PCDHGA11: variants seen among roughly 807,000 people sequenced by gnomAD.
PCDHGA11 encodes protocadherin gamma subfamily A, 11, also known as protocadherin gamma-A11.
A neutral mutation model predicts 60.4 loss-of-function variants in PCDHGA11; 39 were observed. The observed-to-expected ratio is 0.65, with a 90% CI of 0.50 to 0.84. The LOEUF is 0.84. PCDHGA11 is among the 40% of genes least tolerant of loss of function. The pLI, the probability that PCDHGA11 is intolerant of heterozygous loss-of-function variation, is 0.00. For missense variants in PCDHGA11, 1,165 were observed against 1,197.7 expected (o/e 0.97, Z 0.40); for synonymous variants, 533 against 510.3 (o/e 1.04, Z -0.60).
intron 1 of PCDHGA11, chr5:141,442,421 T>G (rs1288481455): frequency 1.3e-5 from 2 of 152,290 alleles, no homozygotes; most frequent in East Asian, 3.9e-4. Flanking sequence ...TGAACTTCTT[T>G]TTTGAATCCC....
chr5:141,489,470 T>C lies in PCDHGA11; in HGVS notation c.2434-5337T>C, dbSNP rs1030378524. 1 of 1,613,874 alleles carries C rather than the reference T, an allele frequency of 6.2e-7. No homozygotes were observed. The highest frequency in any genetic ancestry group is 8.5e-7 in the Non-Finnish European group (1 of 1,179,838). ...GAGGAGAATGGGCGCTATTTTTCCCTGAGCTTGATGAGTGGTGCCCTGGCA... is the reference window on the plus strand; with the variant it reads ...GAGGAGAATGGGCGCTATTTTTCCCCGAGCTTGATGAGTGGTGCCCTGGCA... On this transcript the variant is annotated intron_variant, in intron 1 of 3. Transcript: ENST00000398587. This position sits in a 1 kb window ranked among gnomAD's most constrained non-coding sequence, Gnocchi z 4.5.
At chr5:141,430,877 G>T in intron 1 of PCDHGA11, 1 of 1,600,796 alleles carries the variant, frequency 6.2e-7, no homozygotes. Flanking sequence ...GGAAGAGCTG[G>T]AGAAAGGCTC....
intron 2 of PCDHGA11, among the ~76,000 whole-genome samples, chr5:141,500,453 C>T (rs1403599390): frequency 6.6e-6 from 1 of 152,130 alleles, no homozygotes; most frequent in South Asian, 2.1e-4. Context: ...TCGTGATCCG[C>T]CCGCCTCGGC....
In PCDHGA11 at chr5:141,489,153, G is replaced by A; in HGVS notation, c.2434-5654G>A. The A allele has an allele frequency of 1.1e-6, 1 of 935,832 alleles. No homozygotes were observed. The highest frequency in any genetic ancestry group is 1.6e-6 in the Non-Finnish European group (1 of 627,178). 58.0% of individuals were successfully genotyped at this position (935,832 alleles called of 1,614,324 possible). A position where few individuals can be genotyped will look rare whatever the true frequency, so the allele number is the denominator to read the frequency against. ...TTTAAGAGGCTGGAAGGAGACATAA[G>A]AGACTTCAGCTGCTGCATTCCAAGC... On this transcript the variant is annotated intron_variant, in intron 1 of 3. Coordinates refer to ENST00000398587, the MANE Select transcript of PCDHGA11 (RefSeq NM_018914.3). This position sits in a 1 kb window ranked among gnomAD's most constrained non-coding sequence, Gnocchi z 4.5.
intron 1 of PCDHGA11, chr5:141,440,191 A>G (rs1239698049): frequency 1.3e-5 from 2 of 152,376 alleles, no homozygotes; most frequent in African/African-American, 4.8e-5. Context: ...GTTGAAGGCC[A>G]GGCATGGTGG....
At chr5:141,468,324 C>T (rs1301315098) in intron 1 of PCDHGA11, 1 of 127,722 alleles carries the variant, frequency 7.8e-6, no homozygotes, top group Non-Finnish European at 1.6e-5. Context: ...ACGGTAAACT[C>T]CATCTCAAAA....
rs1387036035 is a variant in PCDHGA11, at chr5:141,432,158, A to G, written c.2433+8498A>G. ...CGCTTATATCCCAGAGAACAATCCC[A>G]GAGGAGTTTCCCTCGTCTCTGTGAC... is the stretch of plus-strand genomic sequence containing the variant. On this transcript the variant is annotated intron_variant, in intron 1 of 3. Coordinates refer to ENST00000398587, the MANE Select transcript of PCDHGA11 (RefSeq NM_018914.3). The surrounding 1 kb of genome is among the most constrained non-coding windows in gnomAD (Gnocchi z 6.0). The G allele has an allele frequency of 6.2e-7, 1 of 1,613,932 alleles. No individual in the cohort carries two copies. Among genetic ancestry groups the G allele is most frequent in the Non-Finnish European group, 8.5e-7 (1 of 1,180,002 alleles).
chr5:141,499,563 A>C (rs979866448), intron 2 of PCDHGA11, among the ~76,000 whole-genome samples: 3 of 152,242 alleles, frequency 2.0e-5, no homozygotes, highest in Non-Finnish European at 2.9e-5. Context: ...ACCACTATCC[A>C]GCTTCAACTA....
intron 2 of PCDHGA11, among the ~76,000 whole-genome samples, chr5:141,502,686 C>T (rs2099815631): frequency 6.6e-6 from 1 of 152,136 alleles, no homozygotes; most frequent in Admixed American, 6.5e-5. Flanking sequence ...CCCTGATGAT[C>T]CTTGCCTGTA....
At chr5:141,478,884 C>A in intron 1 of PCDHGA11, 1 of 1,194,298 alleles carries the variant, frequency 8.4e-7, no homozygotes, top group Non-Finnish European at 1.1e-6. Flanking sequence ...AGCTTGGTAT[C>A]ATTTACATTA....
intron 1 of PCDHGA11, among the ~76,000 whole-genome samples, chr5:141,454,730 A>C (rs2098797371): frequency 6.7e-6 from 1 of 150,092 alleles, no homozygotes; most frequent in Admixed American, 6.7e-5. Context: ...TATATGTTAT[A>C]GGATGAAAAG....
chr5:141,485,172 C>T lies in PCDHGA11; in HGVS notation c.2434-9635C>T, dbSNP rs377648315. 3.9e-5 allele frequency: 62 copies of T among 1,610,044 alleles called. No individual in the cohort carries two copies. The highest frequency in any genetic ancestry group is 5.1e-5 in the Non-Finnish European group (60 of 1,176,944). On this transcript the variant is annotated intron_variant, in intron 1 of 3. Coordinates refer to ENST00000398587, the MANE Select transcript of PCDHGA11 (RefSeq NM_018914.3). The surrounding 1 kb of genome is among the most constrained non-coding windows in gnomAD (Gnocchi z 5.7). ...CAAGTAGAGAATTAGCGGGCGGCAGCAATGCTCCGCAAGGTGAGAAGCTGG... is the reference window on the plus strand; with the variant it reads ...CAAGTAGAGAATTAGCGGGCGGCAGTAATGCTCCGCAAGGTGAGAAGCTGG...
Position 141,487,071 on chromosome 5 carries a change from C to A in PCDHGA11, c.2434-7736C>A. On this transcript the variant is annotated intron_variant, in intron 1 of 3. Coordinates refer to ENST00000398587, the MANE Select transcript of PCDHGA11 (RefSeq NM_018914.3). The surrounding 1 kb of genome is among the most constrained non-coding windows in gnomAD (Gnocchi z 5.0). ...GCTGGGGAGGTGCGGACGGCTGTTC[C>A]TATCCCAGCTGACCTCCCACCACAG... is the stretch of plus-strand genomic sequence containing the variant. The A allele has an allele frequency of 6.2e-7, 1 of 1,614,148 alleles. No individual in the cohort carries two copies. Among genetic ancestry groups the A allele is most frequent in the Non-Finnish European group, 8.5e-7 (1 of 1,180,002 alleles).
chr5:141,498,146 G>A (rs924380243), intron 2 of PCDHGA11, among the ~76,000 whole-genome samples: 1 of 152,200 alleles, frequency 6.6e-6, no homozygotes, highest in Non-Finnish European at 1.5e-5. Context: ...GGACATCCTG[G>A]AAATGAAGTT....
intron 1 of PCDHGA11, among the ~76,000 whole-genome samples, chr5:141,458,380 G>T (rs1592559992): frequency 6.6e-6 from 1 of 152,136 alleles, no homozygotes; most frequent in African/African-American, 2.4e-5. Flanking sequence ...AAGAGAGAAG[G>T]AAGACGCTCC....
chr5:141,508,171 A>G (rs1364776681), intron 3 of PCDHGA11: 2 of 152,406 alleles, frequency 1.3e-5, no homozygotes, highest in African/African-American at 4.8e-5. Context: ...AGGCTGGCAC[A>G]GGAGAGAAGG....
Position 141,421,762 on chromosome 5 carries a change from T to G in PCDHGA11, c.535T>G (p.Phe179Val), listed in dbSNP as rs1272315856. The G allele has an allele frequency of 1.2e-6, 2 of 1,613,884 alleles. No individual in the cohort carries two copies. Among genetic ancestry groups the G allele is most frequent in the Non-Finnish European group, 8.5e-7 (1 of 1,179,880 alleles). ...QSYQLSPNNY[F>V]SLQLRGRTDG... is the part of the protein sequence containing the mutation. ...CTACCAGCTCAGCCCTAATAATTAC[T>G]TTTCCTTGCAACTGCGGGGCAGAAC... Residue 179 changes from phenylalanine to valine, a missense_variant, in exon 1 of 4, where the codon TTT becomes GTT. Transcript: ENST00000398587.
At chr5:141,438,248 C>A (rs1370527448) in intron 1 of PCDHGA11, among the ~76,000 whole-genome samples, 1 of 151,970 alleles carries the variant, frequency 6.6e-6, no homozygotes, top group Non-Finnish European at 1.5e-5. Flanking sequence ...AAAAAACTGT[C>A]ATTGAAGAGA....
At chr5:141,427,857 G>A (rs746661329) in intron 1 of PCDHGA11, 36 of 1,554,574 alleles carry the variant, frequency 2.3e-5, no homozygotes, top group Non-Finnish European at 2.9e-5. Context: ...GCAGCTGTGC[G>A]CCTTCGAGCT....
Sources: allele counts gnomAD v4.1 joint callset (sites outside exome capture counted in the v4.1 genomes callset), GRCh38; gene constraint gnomAD v4.1.1; non-coding constraint Gnocchi (gnomAD v3.1); transcripts MANE v1.5; gene names NCBI Gene and HGNC (gene_info 2026-07-23, HGNC 2026-07-21).